Variants in DNAJC1 observed in about 807,000 individuals in gnomAD.
The protein encoded by DNAJC1 is DnaJ heat shock protein family (Hsp40) member C1.
Under a neutral mutation model 76.6 loss-of-function variants are expected in DNAJC1, and 58 were observed. The ratio of observed to expected loss-of-function variants is 0.76; its 90% CI spans 0.61 to 0.94. The LOEUF is 0.94. Among genes scored for constraint, DNAJC1 ranks in the 40% least tolerant of loss-of-function variants. The pLI, the probability that DNAJC1 is intolerant of heterozygous loss-of-function variation, is 0.00. For missense variants in DNAJC1, 689 were observed against 677.3 expected (o/e 1.02, Z -0.19); for synonymous variants, 258 against 267.9 (o/e 0.96, Z 0.36).
chr10:21,927,644 T>C (rs950457599), intron 3 of DNAJC1, among the ~76,000 whole-genome samples: 3 of 152,194 alleles, frequency 2.0e-5, no homozygotes, highest in Admixed American at 6.5e-5. Flanking sequence ...TAGCCTAGAA[T>C]AGAAAATAAT....
chr10:21,770,535 C>T (rs959442463), intron 9 of DNAJC1, among the ~76,000 whole-genome samples: 21 of 151,914 alleles, frequency 1.4e-4, no homozygotes, highest in African/African-American at 5.1e-4. Context: ...GTAACTGGGA[C>T]TACAGGCATG....
intron 8 of DNAJC1, among the ~76,000 whole-genome samples, chr10:21,869,128 T>G (rs1478540372): frequency 1.3e-5 from 2 of 150,214 alleles, no homozygotes; most frequent in Non-Finnish European, 2.9e-5. Flanking sequence ...ATATCTCTTC[T>G]GGAGAATATG....
rs1159399044 is a variant in DNAJC1, at chr10:21,786,463, T to TAG, written c.1098+19515_1098+19516dup. ...ATATATATATATATATATATATATA[T>TAG]AGAGAGAGAGAGAGAGAGAGAGAGA... On this transcript the variant is annotated intron_variant, in intron 9 of 11. Coordinates refer to ENST00000376980, the MANE Select transcript of DNAJC1 (RefSeq NM_022365.4). Among the ~76,000 whole-genome samples the TAG allele has an allele frequency of 3.0e-3, 70 of 23,414 alleles. 1 individual carries two copies. The highest frequency in any genetic ancestry group is 7.2e-3 in the Admixed American group (10 of 1,398). 15.4% of individuals were successfully genotyped at this position (23,414 alleles called of 152,430 possible). A position where few individuals can be genotyped will look rare whatever the true frequency, so the allele number is the denominator to read the frequency against.
intron 1 of DNAJC1, among the ~76,000 whole-genome samples, chr10:21,954,269 C>A (rs751790150): frequency 3.3e-5 from 5 of 152,062 alleles, no homozygotes; most frequent in African/African-American, 4.8e-5. Context: ...TAAAAATAAC[C>A]TAGATTTCAT....
At chr10:21,997,996 T>G (rs1488082010) in intron 1 of DNAJC1, among the ~76,000 whole-genome samples, 2 of 152,180 alleles carry the variant, frequency 1.3e-5, no homozygotes, top group Admixed American at 1.3e-4. Context: ...TGTCATTATT[T>G]CAATTCACAG....
chr10:21,950,595 T>C (rs1837578254), intron 1 of DNAJC1, among the ~76,000 whole-genome samples: 1 of 152,112 alleles, frequency 6.6e-6, no homozygotes, highest in African/African-American at 2.4e-5. Flanking sequence ...TGATTAAGTT[T>C]AGTGAGGAAG....
intron 1 of DNAJC1, among the ~76,000 whole-genome samples, chr10:21,971,493 T>C (rs1442967575): frequency 6.6e-6 from 1 of 151,792 alleles, no homozygotes; most frequent in African/African-American, 2.4e-5. Flanking sequence ...AAAACAGAAT[T>C]TGAAGAATCT....
Position 21,977,780 on chromosome 10 carries a change from C to A in DNAJC1, c.222+25433G>T, listed in dbSNP as rs191540444. On this transcript the variant is annotated intron_variant, in intron 1 of 11. Transcript: ENST00000376980. ...AACATTATATTATTTTAAATCCCCACTTCCCCACCTGGATAGTGAGGGTTC... is the reference window on the plus strand; with the variant it reads ...AACATTATATTATTTTAAATCCCCAATTCCCCACCTGGATAGTGAGGGTTC... 5.3e-5 allele frequency among the ~76,000 whole-genome samples: 8 copies of A among 152,282 alleles called. No homozygotes were observed. The East Asian group carries it at 1.3e-3, about 26-fold the overall frequency.
At chr10:21,943,171 C>G (rs1198994307) in intron 1 of DNAJC1, among the ~76,000 whole-genome samples, 1 of 151,438 alleles carries the variant, frequency 6.6e-6, no homozygotes, top group South Asian at 2.1e-4. Context: ...ACAAGACAAA[C>G]TAAAAATGAA....
At chr10:21,959,432 T>C (rs1052477757) in intron 1 of DNAJC1, among the ~76,000 whole-genome samples, 7 of 152,032 alleles carry the variant, frequency 4.6e-5, no homozygotes, top group Non-Finnish European at 7.4e-5. Context: ...CCAGCCACAC[T>C]GAACATATTA....
chr10:21,770,108 T>C (rs547532565), intron 9 of DNAJC1, among the ~76,000 whole-genome samples: 3 of 152,304 alleles, frequency 2.0e-5, no homozygotes, highest in South Asian at 2.1e-4. Flanking sequence ...TTTTCTCTCC[T>C]TCCCCAACGA....
chr10:21,764,993 C>T (rs550032737), intron 10 of DNAJC1, among the ~76,000 whole-genome samples: 12 of 152,200 alleles, frequency 7.9e-5, no homozygotes, highest in African/African-American at 2.6e-4. Context: ...TACTTCTGAC[C>T]CCCCTCCACC....
At chr10:21,962,912 T>C (rs1304940160) in intron 1 of DNAJC1, among the ~76,000 whole-genome samples, 2 of 152,138 alleles carry the variant, frequency 1.3e-5, no homozygotes, top group Non-Finnish European at 2.9e-5. Flanking sequence ...TAGGAACTTA[T>C]CCTCTGTTTT....
chr10:21,757,521 A>G (rs1464359430), intron 11 of DNAJC1, among the ~76,000 whole-genome samples: 1 of 152,172 alleles, frequency 6.6e-6, no homozygotes, highest in East Asian at 1.9e-4. Flanking sequence ...CAGAGAAAGG[A>G]TGTTTACTCT....
chr10:21,903,370 A>G (rs907689317), intron 7 of DNAJC1, among the ~76,000 whole-genome samples: 5 of 152,342 alleles, frequency 3.3e-5, no homozygotes, highest in South Asian at 2.1e-4. Flanking sequence ...TTTTTAACAC[A>G]TATGTCAACC....
At chr10:21,854,160 G>C (rs1417171405) in intron 8 of DNAJC1, among the ~76,000 whole-genome samples, 1 of 151,928 alleles carries the variant, frequency 6.6e-6, no homozygotes, top group Non-Finnish European at 1.5e-5. Flanking sequence ...GAAGAGAAGA[G>C]AAATATAAGT....
chr10:21,864,546 C>T (rs975654484), intron 8 of DNAJC1, among the ~76,000 whole-genome samples: 7 of 151,834 alleles, frequency 4.6e-5, no homozygotes, highest in Non-Finnish European at 7.4e-5. Flanking sequence ...TGCTTGAACC[C>T]GGGGGGTGGA....
At chr10:21,888,165 C>G (rs1836398368) in intron 7 of DNAJC1, among the ~76,000 whole-genome samples, 1 of 152,046 alleles carries the variant, frequency 6.6e-6, no homozygotes, top group African/African-American at 2.4e-5. Flanking sequence ...TAGAGTAATG[C>G]AAATCAAAAC....
chr10:21,837,884 C>T (rs1228214335), intron 8 of DNAJC1, among the ~76,000 whole-genome samples: 1 of 145,868 alleles, frequency 6.9e-6, no homozygotes, highest in Non-Finnish European at 1.5e-5. Flanking sequence ...GGGGCAGCCC[C>T]CGCCCGGCCA....
Sources: gnomAD v4.1 joint callset for allele counts (sites outside exome capture counted in the v4.1 genomes callset) on GRCh38, gnomAD v4.1.1 for gene constraint, MANE v1.5 for transcripts, NCBI Gene and HGNC (gene_info 2026-07-23, HGNC 2026-07-21) for gene names.